CFHR3: variants seen among roughly 807,000 people sequenced by gnomAD.
CFHR3 encodes complement factor H related 3, also known as complement factor H-related protein 3.
Under a neutral mutation model 36.0 loss-of-function variants are expected in CFHR3, and 22 were observed. The ratio of observed to expected loss-of-function variants is 0.61; its 90% CI spans 0.44 to 0.87. The LOEUF is 0.87. CFHR3 is among the 40% of genes least tolerant of loss of function. The probability of loss-of-function intolerance (pLI) is 0.00; values close to 1 mark genes in which losing one functional copy is unlikely to be tolerated. For synonymous variants in CFHR3, 97 were observed against 137.4 expected, an observed-to-expected ratio of 0.71 and a Z score of 2.06; for missense variants, 276 against 401.3, an observed-to-expected ratio of 0.69 and a Z score of 2.67.
chr1:196,789,420 T>C (rs1654336202), intron 4 of CFHR3: 2 of 906,518 alleles, frequency 2.2e-6, no homozygotes, highest in South Asian at 5.2e-5. Flanking sequence ...AAGGGCTCTG[T>C]GTAAAGAAAA....
At chr1:196,789,384 T>C in intron 4 of CFHR3, 1 of 891,618 alleles carries the variant, frequency 1.1e-6, no homozygotes, top group Non-Finnish European at 1.3e-6. Context: ...ATTTCTAGAA[T>C]ACTGTTTTCA....
rs186035962 is a variant in CFHR3 at position 196,778,678 on chromosome 1, T to C, written c.59-484T>C. On this transcript the variant is annotated intron_variant, in intron 1 of 5. Coordinates refer to ENST00000367425, the MANE Select transcript of CFHR3 (RefSeq NM_021023.6). ...ACAAAACTCAAGAAAATGTTTTATT[T>C]CTGGAGATAATTGGTACATTTCTGA... 1.5e-3 allele frequency among the ~76,000 whole-genome samples: 207 copies of C among 136,894 alleles called. 21 individuals are homozygous for C. The highest frequency in any genetic ancestry group is 0.012 in the Admixed American group (169 of 14,116). 89.8% of individuals were successfully genotyped at this position (136,894 alleles called of 152,430 possible).
Position 196,779,330 on chromosome 1 carries a change from G to C in CFHR3, c.227G>C (p.Gly76Ala), listed in dbSNP as rs1653852035. ...GATTACATTCATTGCACACAAAATG[G>C]GTGGTCACCAGCAGTACCATGTCTC... ...YWDYIHCTQN[G>A]WSPAVPCLRK... Residue 76 changes from glycine (G) to alanine (A), a missense_variant, in exon 2 of 6, where the codon GGG becomes GCG. Gly to Ala is a moderately conservative substitution (Grantham distance 60). Transcript: ENST00000367425. 1 of 1,525,496 alleles carries C rather than the reference G, an allele frequency of 6.6e-7. No individual in the cohort carries two copies. Among genetic ancestry groups the C allele is most frequent in the Non-Finnish European group, 8.9e-7 (1 of 1,127,034 alleles). The allele number at this position is 1,525,496 out of a possible 1,614,324, so 94.5% of individuals were successfully genotyped here.
chr1:196,786,478 C>T (rs1485034961), intron 3 of CFHR3, among the ~76,000 whole-genome samples: 1 of 135,724 alleles, frequency 7.4e-6, no homozygotes, highest in South Asian at 2.6e-4. Context: ...TTCCTGGCTG[C>T]TTTGTTTACC....
chr1:196,789,136 T>C, intron 4 of CFHR3: 2 of 997,600 alleles, frequency 2.0e-6, no homozygotes, highest in Non-Finnish European at 2.4e-6. Flanking sequence ...GTTTTAAAGA[T>C]AAATTGCTGA....
chr1:196,774,971 A>G, intron 1 of CFHR3, 27 bp downstream of exon 1: 1 of 1,480,520 alleles, frequency 6.8e-7, no homozygotes. Flanking sequence ...CTAAACACTC[A>G]GCTTCCCTCT....
chr1:196,779,384 T>A (rs1249900792), intron 2 of CFHR3, 28 bp downstream of exon 2: 1 of 1,379,658 alleles, frequency 7.2e-7, no homozygotes, highest in Non-Finnish European at 1.0e-6. Flanking sequence ...CTGCTACACA[T>A]GTATAAAACT....
In CFHR3 at chr1:196,789,834, A is replaced by G. The variant is rs1223863785; in HGVS notation, c.614-211A>G. ...TAGACACCTACATATGTATATGTAC[A>G]CATATGTGTGTACATATATGTACAT... On this transcript the variant is annotated intron_variant, in intron 4 of 5. Coordinates refer to ENST00000367425, the MANE Select transcript of CFHR3 (RefSeq NM_021023.6). 19 of 1,132,670 alleles carry G rather than the reference A, an allele frequency of 1.7e-5. 3 individuals are homozygous for G. In the Admixed American group the frequency reaches 1.9e-4, roughly 11 times the overall value. The allele number at this position is 1,132,670 out of a possible 1,614,324, so 70.2% of individuals were successfully genotyped here. A position where few individuals can be genotyped will look rare whatever the true frequency, so the allele number is the denominator to read the frequency against.
rs1042510045 is a variant in CFHR3, at chr1:196,775,074, T to A, written c.58+130T>A. The A allele has an allele frequency of 1.6e-5, 13 of 800,200 alleles. 3 individuals carry two copies. In the African/African-American group the frequency reaches 2.6e-4, roughly 16 times the overall value. 49.6% of individuals were successfully genotyped at this position (800,200 alleles called of 1,614,324 possible). A position where few individuals can be genotyped will look rare whatever the true frequency, so the allele number is the denominator to read the frequency against. Reference sequence around the variant, plus strand: ...ATTCACTATGCTAGTAGAAGTGACATATTTTGTGAGAGTATAACAGAAATT... The same window carrying A: ...ATTCACTATGCTAGTAGAAGTGACAAATTTTGTGAGAGTATAACAGAAATT... On this transcript the variant is annotated intron_variant, in intron 1 of 5. Coordinates refer to ENST00000367425, the MANE Select transcript of CFHR3 (RefSeq NM_021023.6).
chr1:196,784,763 C>A lies in CFHR3; in HGVS notation c.431-3453C>A, dbSNP rs1334235339. On this transcript the variant is annotated intron_variant, in intron 3 of 5. Transcript: ENST00000367425. ...GGGTCTTGACTCTTTATCCAATTTGCCAGTCTGTGTCTTTTAATTGGAGCA... is the reference window on the plus strand; with the variant it reads ...GGGTCTTGACTCTTTATCCAATTTGACAGTCTGTGTCTTTTAATTGGAGCA... Among the ~76,000 whole-genome samples, 8 of 134,776 alleles carry A rather than the reference C, an allele frequency of 5.9e-5. 2 individuals are homozygous for A. Among genetic ancestry groups the A allele is most frequent in the Admixed American group, 1.4e-4 (2 of 14,032 alleles). 88.4% of individuals were successfully genotyped at this position (134,776 alleles called of 152,430 possible). A position where few individuals can be genotyped will look rare whatever the true frequency, so the allele number is the denominator to read the frequency against.
chr1:196,782,627 T>G (rs796624500), intron 3 of CFHR3, among the ~76,000 whole-genome samples: 1 of 137,144 alleles, frequency 7.3e-6, no homozygotes, highest in East Asian at 2.0e-4. Flanking sequence ...TGTATAAGAA[T>G]GCTTGTGATT....
intron 3 of CFHR3, among the ~76,000 whole-genome samples, chr1:196,785,711 T>A (rs1484813276): frequency 1.5e-5 from 2 of 136,870 alleles, no homozygotes; most frequent in Non-Finnish European, 3.1e-5. Flanking sequence ...TTGTCTAAAT[T>A]TTTTTCAAAT....
At chr1:196,784,705 A>G (rs1196958828) in intron 3 of CFHR3, among the ~76,000 whole-genome samples, 7 of 134,280 alleles carry the variant, frequency 5.2e-5, no homozygotes, top group Admixed American at 3.6e-4. Flanking sequence ...GTCTCTGCAC[A>G]TGAGATGGGT....
At chr1:196,786,086 G>C (rs1484975655) in intron 3 of CFHR3, among the ~76,000 whole-genome samples, 1 of 136,806 alleles carries the variant, frequency 7.3e-6, no homozygotes, top group Non-Finnish European at 1.5e-5. Context: ...CTGTTTGCCT[G>C]GGTATCTGCA....
intron 1 of CFHR3, among the ~76,000 whole-genome samples, chr1:196,777,720 G>C (rs1238833062): frequency 7.4e-6 from 1 of 135,776 alleles, no homozygotes; most frequent in South Asian, 2.6e-4. Flanking sequence ...GAGCCGGGGG[G>C]CTCCTGCCTT....
intron 1 of CFHR3, among the ~76,000 whole-genome samples, chr1:196,778,438 G>T (rs1278640822): frequency 7.3e-6 from 1 of 136,434 alleles, no homozygotes; most frequent in Admixed American, 7.1e-5. Flanking sequence ...TCTATCACTT[G>T]TTCCAGAATT....
rs562379472 is a variant in CFHR3, at chr1:196,775,397, T to G, written c.58+453T>G. Among the ~76,000 whole-genome samples, 4 of 137,152 alleles carry G rather than the reference T, an allele frequency of 2.9e-5. 1 individual carries two copies. The highest frequency in any genetic ancestry group is 6.2e-5 in the Non-Finnish European group (4 of 64,410). The allele number at this position is 137,152 out of a possible 152,430, so 90.0% of individuals were successfully genotyped here. A position where few individuals can be genotyped will look rare whatever the true frequency, so the allele number is the denominator to read the frequency against. On this transcript the variant is annotated intron_variant, in intron 1 of 5. Coordinates refer to ENST00000367425, the MANE Select transcript of CFHR3 (RefSeq NM_021023.6). ...AAATCAAATAATACATTTTAAATTA[T>G]GCAGTTTCTTATATTTCTATTATAG...
rs402372 is a variant in CFHR3, at chr1:196,793,819, C to T, written c.*306C>T. The T allele has an allele frequency of 0.27, 57,125 of 210,914 alleles. 14,131 individuals are homozygous for T. The highest frequency in any genetic ancestry group is 0.51 in the East Asian group (5,083 of 9,880). The allele number at this position is 210,914 out of a possible 1,614,324, so 13.1% of individuals were successfully genotyped here. A position where few individuals can be genotyped will look rare whatever the true frequency, so the allele number is the denominator to read the frequency against. On this transcript the variant is annotated 3_prime_UTR_variant, in exon 6 of 6. Transcript: ENST00000367425. ...GCTTTCTGCATATTGTATAGTATAC[C>T]TAGACATAGAAACAAAATGACTTTA...
chr1:196,789,648 G>A (rs384032), intron 4 of CFHR3: 328,996 of 1,427,844 alleles, frequency 0.23, 77,311 homozygotes, highest in East Asian at 0.51. Flanking sequence ...TTTAAGCTCC[G>A]TGACACATTG....
Sources: allele counts gnomAD v4.1 joint callset (sites outside exome capture counted in the v4.1 genomes callset), GRCh38; gene constraint gnomAD v4.1.1; transcripts MANE v1.5; gene names NCBI Gene and HGNC (gene_info 2026-07-23, HGNC 2026-07-21).